The following PDE4B variants were observed in gnomAD, a reference collection of about 807,000 sequenced individuals.
PDE4B encodes 3',5'-cyclic-AMP phosphodiesterase 4B.
PDE4B carries 20 observed loss-of-function variants against 82.2 expected under a neutral mutation model. The observed-to-expected ratio is 0.24, with a 90% CI of 0.17 to 0.35. The LOEUF is 0.35. Among genes scored for constraint, PDE4B ranks in the 10% least tolerant of loss-of-function variants. The pLI is 1.00. For synonymous variants in PDE4B, 320 were observed against 318.9 expected (o/e 1.00, Z -0.04); for missense variants, 655 against 907.2 (o/e 0.72, Z 3.57).
At chr1:66,056,488 C>A (rs200517115) in intron 3 of PDE4B, among the ~76,000 whole-genome samples, 1 of 121,214 alleles carries the variant, frequency 8.2e-6, no homozygotes, top group Non-Finnish European at 1.8e-5. Context: ...TATCTATCAT[C>A]TATCTATCTA....
At chr1:66,292,441 A>C (rs938154037) in intron 7 of PDE4B, among the ~76,000 whole-genome samples, 1 of 152,212 alleles carries the variant, frequency 6.6e-6, no homozygotes, top group Non-Finnish European at 1.5e-5. Context: ...TTGAAGGCCA[A>C]GTCATTATCT....
intron 7 of PDE4B, among the ~76,000 whole-genome samples, chr1:66,328,820 A>T (rs1394941737): frequency 6.6e-6 from 1 of 152,198 alleles, no homozygotes; most frequent in Non-Finnish European, 1.5e-5. Context: ...GGGACATGTT[A>T]GCAGCCGTCT....
chr1:65,805,532 G>A (rs1477216031), intron 1 of PDE4B, among the ~76,000 whole-genome samples: 1 of 152,056 alleles, frequency 6.6e-6, no homozygotes, highest in Non-Finnish European at 1.5e-5. Context: ...TACAATCATT[G>A]TGCAGCTTTT....
intron 4 of PDE4B, among the ~76,000 whole-genome samples, chr1:66,256,301 G>A (rs1557662529): frequency 6.6e-6 from 1 of 152,176 alleles, no homozygotes; most frequent in Non-Finnish European, 1.5e-5. Flanking sequence ...TACTTACTAG[G>A]TATGTGCTAG....
intron 1 of PDE4B, among the ~76,000 whole-genome samples, chr1:65,856,999 A>G (rs1441226265): frequency 2.0e-5 from 3 of 152,116 alleles, no homozygotes; most frequent in African/African-American, 7.2e-5. Flanking sequence ...TGATGGTACA[A>G]TTGAAATTCT....
chr1:65,988,136 A>G (rs1231801787), intron 3 of PDE4B, among the ~76,000 whole-genome samples: 3 of 152,216 alleles, frequency 2.0e-5, no homozygotes, highest in Non-Finnish European at 4.4e-5. Context: ...CAAATAAAGT[A>G]ATATATTAGA....
At chr1:66,282,328 G>A (rs777662808) in intron 7 of PDE4B, among the ~76,000 whole-genome samples, 10 of 152,194 alleles carry the variant, frequency 6.6e-5, no homozygotes, top group Admixed American at 6.5e-4. Flanking sequence ...TGGGTTTTGA[G>A]TAAGCCATCC....
intron 3 of PDE4B, among the ~76,000 whole-genome samples, chr1:65,962,112 G>A (rs1055046208): frequency 4.6e-5 from 7 of 152,076 alleles, no homozygotes; most frequent in Non-Finnish European, 8.8e-5. Flanking sequence ...TTTAGCCTAC[G>A]GTTGGGCAAA....
At chr1:66,201,489 G>A (rs1169406402) in intron 3 of PDE4B, among the ~76,000 whole-genome samples, 2 of 152,078 alleles carry the variant, frequency 1.3e-5, no homozygotes, top group Non-Finnish European at 2.9e-5. Flanking sequence ...ACTCTTTTTG[G>A]TTGGTAAGCT....
intron 1 of PDE4B, among the ~76,000 whole-genome samples, chr1:65,893,954 A>G (rs1227949346): frequency 6.6e-6 from 1 of 152,066 alleles, no homozygotes; most frequent in Non-Finnish European, 1.5e-5. Flanking sequence ...TGAGGACACA[A>G]AGGCATAAGA....
intron 3 of PDE4B, among the ~76,000 whole-genome samples, chr1:66,167,124 A>G (rs1361512688): frequency 1.3e-5 from 2 of 152,214 alleles, no homozygotes; most frequent in Non-Finnish European, 2.9e-5. Flanking sequence ...TGGTGTGACC[A>G]TATTGGAAAA....
At chr1:66,031,520 G>T (rs1293791521) in intron 3 of PDE4B, among the ~76,000 whole-genome samples, 3 of 152,112 alleles carry the variant, frequency 2.0e-5, no homozygotes, top group African/African-American at 7.2e-5. Context: ...CATGGGTTTG[G>T]GTTTTTTCCC....
At chr1:66,234,263 T>A in intron 3 of PDE4B, among the ~76,000 whole-genome samples, 1 of 152,192 alleles carries the variant, frequency 6.6e-6, no homozygotes, top group East Asian at 1.9e-4. Context: ...GTCCACTTCA[T>A]TGAAGTTGTC....
At chr1:65,964,531 G>A (rs1437237252) in intron 3 of PDE4B, among the ~76,000 whole-genome samples, 1 of 152,152 alleles carries the variant, frequency 6.6e-6, no homozygotes, top group Non-Finnish European at 1.5e-5. Flanking sequence ...TGTTTACAAT[G>A]TGTCCATTAA....
At chr1:65,905,139 G>A (rs990993172) in intron 1 of PDE4B, among the ~76,000 whole-genome samples, 3 of 152,136 alleles carry the variant, frequency 2.0e-5, no homozygotes, top group Non-Finnish European at 2.9e-5. Flanking sequence ...TTCTCTATGA[G>A]CTTCTGGGAG....
At chr1:66,221,057 T>G (rs1650943557) in intron 3 of PDE4B, among the ~76,000 whole-genome samples, 1 of 152,164 alleles carries the variant, frequency 6.6e-6, no homozygotes, top group Admixed American at 6.6e-5. Context: ...AAGGAGAATT[T>G]ATTGAAAAGA....
At chr1:66,164,535 C>CAAAATAA (rs1646681541) in intron 3 of PDE4B, among the ~76,000 whole-genome samples, 1 of 48,556 alleles carries the variant, frequency 2.1e-5, no homozygotes, top group Non-Finnish European at 3.5e-5. Flanking sequence ...GACTCCGTCT[C>CAAAATAA]AAAAAAAAAA....
At chr1:65,867,269 G>T (rs1430546519) in intron 1 of PDE4B, among the ~76,000 whole-genome samples, 1 of 152,084 alleles carries the variant, frequency 6.6e-6, no homozygotes, top group African/African-American at 2.4e-5. Flanking sequence ...TTCAAAAAAA[G>T]TGTTTTCATA....
At chr1:66,301,283 T>C (rs140449889) in intron 7 of PDE4B, among the ~76,000 whole-genome samples, 7 of 152,292 alleles carry the variant, frequency 4.6e-5, no homozygotes, top group African/African-American at 1.7e-4. Flanking sequence ...GATCAGCAAG[T>C]ATTTTCCAAG....
Sources: gnomAD v4.1 joint callset for allele counts (sites outside exome capture counted in the v4.1 genomes callset) on GRCh38, gnomAD v4.1.1 for gene constraint, MANE v1.5 for transcripts, NCBI Gene and HGNC (gene_info 2026-07-23, HGNC 2026-07-21) for gene names.